The following SUPT20H variants were observed in gnomAD, a reference collection of about 807,000 sequenced individuals.
SUPT20H encodes transcription factor SPT20 homolog.
Under a neutral mutation model 122.8 loss-of-function variants are expected in SUPT20H, and 82 were observed. The observed-to-expected ratio is 0.67, with a 90% CI of 0.56 to 0.80. The LOEUF (loss-of-function observed/expected upper bound fraction) is 0.80, where lower values mean the gene tolerates loss of function less well. Among genes scored for constraint, SUPT20H ranks in the 30% least tolerant of loss-of-function variants. The probability of loss-of-function intolerance (pLI) is 0.00; values close to 1 mark genes in which losing one functional copy is unlikely to be tolerated. For synonymous variants in SUPT20H, 291 were observed against 313.0 expected, an observed-to-expected ratio of 0.93 and a Z score of 0.74; for missense variants, 831 against 921.6, an observed-to-expected ratio of 0.90 and a Z score of 1.27.
At chr13:37,059,046 C>T (rs1051083557) in intron 1 of SUPT20H, 1 of 152,208 alleles carries the variant, frequency 6.6e-6, no homozygotes, top group Non-Finnish European at 1.5e-5. Flanking sequence ...TCTCCAAGTT[C>T]ATTTCTGAGC....
intron 2 of SUPT20H, among the ~76,000 whole-genome samples, chr13:37,050,413 C>G (rs774112180): frequency 2.7e-5 from 4 of 149,028 alleles, no homozygotes; most frequent in Admixed American, 6.7e-5. Context: ...TCCCAGGATT[C>G]AAGTTAAGAT....
At chr13:37,024,535 A>G (rs957898254) in intron 17 of SUPT20H, 93 bp from the exon 18 acceptor site, 57 of 872,182 alleles carry the variant, frequency 6.5e-5, no homozygotes, top group Non-Finnish European at 8.5e-5. Flanking sequence ...TTTATTAAAT[A>G]AAATTAATAC....
intron 23 of SUPT20H, among the ~76,000 whole-genome samples, chr13:37,015,143 T>TA (rs1356125497): frequency 5.0e-5 from 7 of 141,280 alleles, no homozygotes; most frequent in Non-Finnish European, 1.1e-4. Context: ...GCAAGAAAAG[T>TA]AAAAAGAGAA....
chr13:37,044,311 A>G (rs2066017919), intron 6 of SUPT20H, 130 bp from the exon 7 acceptor site: 1 of 607,884 alleles, frequency 1.6e-6, no homozygotes, highest in Non-Finnish European at 2.6e-6. Flanking sequence ...GGATCAAAAA[A>G]AATAAAAATA....
intron 2 of SUPT20H, among the ~76,000 whole-genome samples, chr13:37,050,347 C>CAAAA (rs61668901): frequency 9.1e-5 from 7 of 76,966 alleles, no homozygotes; most frequent in Admixed American, 3.1e-4. Context: ...CTGTCACTAC[C>CAAAA]AAAAAAAAAA....
At chr13:37,035,353 A>G (rs2064143746) in intron 9 of SUPT20H, among the ~76,000 whole-genome samples, 2 of 152,206 alleles carry the variant, frequency 1.3e-5, no homozygotes. Context: ...TCCAACCTTC[A>G]TGGATGACTC....
chr13:37,023,945 C>A, intron 19 of SUPT20H, 90 bp downstream of exon 19: 1 of 1,372,130 alleles, frequency 7.3e-7, no homozygotes, highest in Non-Finnish European at 9.9e-7. Flanking sequence ...ATTCAGATAT[C>A]ACTACTTCAC....
Position 37,048,669 on chromosome 13 carries a change from A to G in SUPT20H, c.4-70T>C. 2.2e-6 allele frequency: 3 copies of G among 1,370,454 alleles called. No individual in the cohort carries two copies. The South Asian group carries it at 4.0e-5, about 18-fold the overall frequency. 84.9% of individuals were successfully genotyped at this position (1,370,454 alleles called of 1,614,324 possible). On this transcript the variant is annotated intron_variant, in intron 2 of 25. Coordinates refer to ENST00000350612, the MANE Select transcript of SUPT20H (RefSeq NM_001014286.3). ...CAAAAAAATTTAATATACATTTAAC[A>G]TTTCTAATGTTTTCTAAAACAGGTC...
At chr13:37,058,647 T>G (rs981923087) in intron 1 of SUPT20H, among the ~76,000 whole-genome samples, 7 of 152,154 alleles carry the variant, frequency 4.6e-5, no homozygotes, top group African/African-American at 1.7e-4. Context: ...CATTATCATT[T>G]CCGTTTTACA....
chr13:37,030,694 A>C (rs73541730), intron 12 of SUPT20H, among the ~76,000 whole-genome samples: 2,322 of 152,278 alleles, frequency 0.015, 52 homozygotes, highest in African/African-American at 0.053. Context: ...GCTGATTCGT[A>C]AGGACATTAA....
At chr13:37,049,496 T>G (rs1030438346) in intron 2 of SUPT20H, among the ~76,000 whole-genome samples, 3 of 152,082 alleles carry the variant, frequency 2.0e-5, no homozygotes, top group African/African-American at 7.2e-5. Context: ...TCCCAGCACT[T>G]TGAGAGGCTG....
chr13:37,055,936 C>A (rs1405558251), intron 1 of SUPT20H, among the ~76,000 whole-genome samples: 2 of 152,184 alleles, frequency 1.3e-5, no homozygotes, highest in Admixed American at 1.3e-4. Flanking sequence ...AAACAAACAA[C>A]CCCATCAATC....
chr13:37,034,393 G>A (rs2063955984), intron 9 of SUPT20H, among the ~76,000 whole-genome samples: 1 of 152,214 alleles, frequency 6.6e-6, no homozygotes, highest in South Asian at 2.1e-4. Flanking sequence ...CTGATACAGA[G>A]GAAGTTTTAA....
Position 37,022,919 on chromosome 13 carries a change from T to G in SUPT20H, c.1592-839A>C. The G allele has an allele frequency of 8.6e-7, 1 of 1,157,332 alleles. No individual in the cohort carries two copies. Among genetic ancestry groups the G allele is most frequent in the Non-Finnish European group, 1.1e-6 (1 of 917,814 alleles). 71.7% of individuals were successfully genotyped at this position (1,157,332 alleles called of 1,614,324 possible). On this transcript the variant is annotated intron_variant, in intron 19 of 25. Coordinates refer to ENST00000350612, the MANE Select transcript of SUPT20H (RefSeq NM_001014286.3). This position sits in a 1 kb window ranked among gnomAD's most constrained non-coding sequence, Gnocchi z 4.5. Reference sequence around the variant, plus strand: ...TACTTCTGTTTAAATGTAGAATGTATAGAAAATCTGTTGTGAATGAAGTAT... The same window carrying G: ...TACTTCTGTTTAAATGTAGAATGTAGAGAAAATCTGTTGTGAATGAAGTAT...
At chr13:37,032,969 T>C (rs1243427339) in intron 10 of SUPT20H, among the ~76,000 whole-genome samples, 1 of 152,082 alleles carries the variant, frequency 6.6e-6, no homozygotes, top group Non-Finnish European at 1.5e-5. Flanking sequence ...TTAACAACAA[T>C]TAAATCAGTC....
chr13:37,046,797 T>C (rs1296064203), intron 5 of SUPT20H: 6 of 152,172 alleles, frequency 3.9e-5, no homozygotes, highest in Admixed American at 2.0e-4. Context: ...TATGTATCAG[T>C]AGAACTTATG....
intron 23 of SUPT20H, chr13:37,013,378 TTTTC>T (rs1566106618): frequency 6.6e-6 from 1 of 152,028 alleles, no homozygotes; most frequent in Non-Finnish European, 1.5e-5. Context: ...TTTGTTGTTG[TTTTC>T]TTTTTTTTCA....
intron 12 of SUPT20H, among the ~76,000 whole-genome samples, 195 bp downstream of exon 12, chr13:37,031,372 T>C (rs2063290852): frequency 6.6e-6 from 1 of 152,112 alleles, no homozygotes; most frequent in Non-Finnish European, 1.5e-5. Flanking sequence ...AAAAGAACAA[T>C]ACACAGCTTC....
intron 1 of SUPT20H, among the ~76,000 whole-genome samples, chr13:37,055,421 A>G (rs1398396016): frequency 6.6e-6 from 1 of 152,200 alleles, no homozygotes; most frequent in Non-Finnish European, 1.5e-5. Context: ...AAACAGAGAT[A>G]TAGACCAATG....
Sources: allele counts gnomAD v4.1 joint callset (sites outside exome capture counted in the v4.1 genomes callset), GRCh38; gene constraint gnomAD v4.1.1; non-coding constraint Gnocchi (gnomAD v3.1); transcripts MANE v1.5; gene names NCBI Gene and HGNC (gene_info 2026-07-23, HGNC 2026-07-21).